Variants in ZNF735 observed in about 807,000 individuals in gnomAD.
ZNF735 encodes the protein putative zinc finger protein 735.
In ZNF735, 11 loss-of-function variants were observed where a neutral mutation model predicts 13.4. The observed-to-expected ratio is 0.82, with a 90% CI of 0.52 to 1.36. The LOEUF (loss-of-function observed/expected upper bound fraction) is 1.36, where lower values mean the gene tolerates loss of function less well. Among genes scored for constraint, ZNF735 ranks in the 40% most tolerant of loss-of-function variants. The probability of loss-of-function intolerance (pLI) is 0.00; values close to 1 mark genes in which losing one functional copy is unlikely to be tolerated. For missense variants in ZNF735, 500 were observed against 484.6 expected, an observed-to-expected ratio of 1.03 and a Z score of -0.30; for synonymous variants, 171 against 162.6, an observed-to-expected ratio of 1.05 and a Z score of -0.39.
At position 64,218,233 on chromosome 7, in the gene ZNF735, A is replaced by G. The variant is rs551974955; in HGVS notation, c.263-1081A>G. The stretch of plus-strand genomic sequence containing the variant: ...AAGATTTTTTTTCAGCACTTTGACC[A>G]TTTTACACAGTTCTTTTCTGACCTG... On this transcript the variant is annotated intron_variant, in intron 3 of 3. Coordinates refer to ENST00000429565, the Ensembl canonical transcript of ZNF735. Among the ~76,000 whole-genome samples the G allele has an allele frequency of 2.5e-4, 37 of 147,040 alleles. 1 individual carries two copies. The East Asian group carries it at 6.0e-3, about 24-fold the overall frequency.
At chr7:64,211,946 G>A (rs1194385510) in intron 1 of ZNF735, among the ~76,000 whole-genome samples, 1 of 151,114 alleles carries the variant, frequency 6.6e-6, no homozygotes, top group Non-Finnish European at 1.5e-5. Context: ...ACTTTTCTGA[G>A]AGGAGAGAAA....
intron 1 of ZNF735, among the ~76,000 whole-genome samples, chr7:64,208,307 GAGTGCAGTGGTGCAATCTC>G (rs1268974031): frequency 7.4e-6 from 1 of 135,406 alleles, no homozygotes; most frequent in East Asian, 2.1e-4. Context: ...CTCCAGGCTG[GAGTGCAGTGGTGCAATCTC>G]ACCTCTTTAC....
intron 3 of ZNF735, among the ~76,000 whole-genome samples, chr7:64,215,880 T>A (rs1033542283): frequency 6.6e-6 from 1 of 152,224 alleles, no homozygotes; most frequent in Non-Finnish European, 1.5e-5. Flanking sequence ...ATGTCTTTAT[T>A]TGTCTTTGTG....
At chr7:64,218,645 G>A (rs1417291225) in intron 3 of ZNF735, among the ~76,000 whole-genome samples, 8 of 151,542 alleles carry the variant, frequency 5.3e-5, no homozygotes, top group South Asian at 2.1e-4. Context: ...GTTGCTTTTC[G>A]AAAATTTTGA....
chr7:64,214,539 C>G (rs188908856), intron 3 of ZNF735, among the ~76,000 whole-genome samples: 2 of 152,098 alleles, frequency 1.3e-5, no homozygotes. Context: ...GGTGGTTGTC[C>G]ATTTTTCTGT....
chr7:64,216,373 TCAC>T (rs372178720), intron 3 of ZNF735, among the ~76,000 whole-genome samples: 318 of 152,290 alleles, frequency 2.1e-3, no homozygotes, highest in Middle Eastern at 0.017. Context: ...TTAAATTTGT[TCAC>T]CACTGTGGGA....
At chr7:64,219,440 A>G (rs572337969) in exon 4 of ZNF735, 1 of 1,613,952 alleles carries the variant, frequency 6.2e-7, no homozygotes, top group East Asian at 2.2e-5. Flanking sequence ...AAATGTTGTA[A>G]AAGAGTAGAT....
At chr7:64,218,634 A>G (rs1484158973) in intron 3 of ZNF735, among the ~76,000 whole-genome samples, 1 of 151,980 alleles carries the variant, frequency 6.6e-6, no homozygotes, top group Admixed American at 6.6e-5. Context: ...TTATTTTTAT[A>G]GTTGCTTTTC....
At chr7:64,217,445 A>G (rs1787435583) in intron 3 of ZNF735, among the ~76,000 whole-genome samples, 1 of 152,052 alleles carries the variant, frequency 6.6e-6, no homozygotes, top group African/African-American at 2.4e-5. Flanking sequence ...TTCATATACA[A>G]TACAATGTTC....
At chr7:64,208,070 A>T (rs946923851) in intron 1 of ZNF735, among the ~76,000 whole-genome samples, 3 of 151,902 alleles carry the variant, frequency 2.0e-5, no homozygotes, top group Admixed American at 6.6e-5. Flanking sequence ...AAAGTCTGTT[A>T]TAAGTTGCAT....
intron 2 of ZNF735, among the ~76,000 whole-genome samples, chr7:64,213,676 C>T (rs1584214173): frequency 6.6e-6 from 1 of 152,130 alleles, no homozygotes; most frequent in African/African-American, 2.4e-5. Context: ...GCAAGATTTA[C>T]ATGACCAGGC....
At chr7:64,215,910 G>A (rs1787414228) in intron 3 of ZNF735, among the ~76,000 whole-genome samples, 3 of 152,140 alleles carry the variant, frequency 2.0e-5, no homozygotes, top group Non-Finnish European at 4.4e-5. Flanking sequence ...CATAGTTATT[G>A]TTATTGTTGC....
chr7:64,216,516 A>T (rs544123388), intron 3 of ZNF735, among the ~76,000 whole-genome samples: 2 of 151,924 alleles, frequency 1.3e-5, no homozygotes, highest in African/African-American at 4.8e-5. Flanking sequence ...TTATTTCCAT[A>T]TATTTTTGAT....
At chr7:64,214,536 G>A (rs1410393469) in intron 3 of ZNF735, among the ~76,000 whole-genome samples, 1 of 151,946 alleles carries the variant, frequency 6.6e-6, no homozygotes, top group African/African-American at 2.4e-5. Context: ...ATTGGTGGTT[G>A]TCCATTTTTC....
chr7:64,218,356 T>C (rs1189103528), intron 3 of ZNF735, among the ~76,000 whole-genome samples: 7 of 152,110 alleles, frequency 4.6e-5, no homozygotes, highest in Admixed American at 4.6e-4. Context: ...TATCTTCTGG[T>C]TTGTGATTTT....
At chr7:64,219,476 A>T (rs765834831) in exon 4 of ZNF735, 1 of 1,613,652 alleles carries the variant, frequency 6.2e-7, no homozygotes, top group East Asian at 2.2e-5. Flanking sequence ...AAAGGAGGTT[A>T]TAATGACCTT....
chr7:64,219,219 C>T (rs1289556355), intron 3 of ZNF735, 95 bp from the exon 4 acceptor site: 2 of 1,458,064 alleles, frequency 1.4e-6, no homozygotes, highest in South Asian at 2.9e-5. Flanking sequence ...TGCCATTTTG[C>T]TAATGTACCT....
intron 3 of ZNF735, among the ~76,000 whole-genome samples, chr7:64,218,181 A>G (rs1227001998): frequency 6.7e-6 from 1 of 149,432 alleles, no homozygotes; most frequent in Non-Finnish European, 1.5e-5. Flanking sequence ...TTTGTAGTAC[A>G]TTTTTGCTGG....
At chr7:64,217,167 A>G (rs1787432232) in intron 3 of ZNF735, among the ~76,000 whole-genome samples, 1 of 152,148 alleles carries the variant, frequency 6.6e-6, no homozygotes, top group South Asian at 2.1e-4. Flanking sequence ...TAGAGTTCTC[A>G]CACTATTAAT....
Sources: gnomAD v4.1 joint callset for allele counts (sites outside exome capture counted in the v4.1 genomes callset) on GRCh38, gnomAD v4.1.1 for gene constraint, MANE v1.5 for transcripts, NCBI Gene and HGNC (gene_info 2026-07-23, HGNC 2026-07-21) for gene names.